Variants in ANTXR2 observed in about 807,000 individuals in gnomAD.
The protein encoded by ANTXR2 is anthrax toxin receptor 2.
ANTXR2 carries 44 observed loss-of-function variants against 73.7 expected under a neutral mutation model. The ratio of observed to expected loss-of-function variants is 0.60; its 90% CI spans 0.47 to 0.77. The LOEUF (loss-of-function observed/expected upper bound fraction) is 0.77. Ranked by LOEUF, ANTXR2 falls within the 30% of genes least tolerant of loss-of-function variation. ANTXR2 has a pLI of 0.00. For missense variants in ANTXR2, 604 were observed against 592.5 expected (o/e 1.02, Z -0.20); for synonymous variants, 217 against 205.9 (o/e 1.05, Z -0.46).
intron 7 of ANTXR2, among the ~76,000 whole-genome samples, chr4:80,040,928 C>T (rs35646046): frequency 0.08 from 12,113 of 152,040 alleles, 611 homozygotes; most frequent in Non-Finnish European, 0.11. Context: ...AGTCCTCAAA[C>T]ATTAATATAG....
intron 3 of ANTXR2, among the ~76,000 whole-genome samples, chr4:80,062,295 A>G (rs1734299034): frequency 6.6e-6 from 1 of 152,178 alleles, no homozygotes; most frequent in Non-Finnish European, 1.5e-5. Flanking sequence ...GTGGTACTCA[A>G]TTCACACCTG....
At chr4:80,055,598 G>T in intron 4 of ANTXR2, 131 bp from the exon 5 acceptor site, 3 of 743,766 alleles carry the variant, frequency 4.0e-6, no homozygotes, top group Non-Finnish European at 6.7e-6. Context: ...AGGGTAATTT[G>T]TGTTAACTAT....
rs183847496 is a variant in ANTXR2, at chr4:79,994,731, T to C, written c.1042-9868A>G. 1.6e-3 allele frequency among the ~76,000 whole-genome samples: 240 copies of C among 152,086 alleles called. 1 individual carries two copies. Among genetic ancestry groups the C allele is most frequent in the Non-Finnish European group, 1.6e-3 (110 of 67,926 alleles). ...ATTGAATTTCAATTTAAAATCCCCA[T>C]ATGACCACTGTTATCAAACTCACAT... On this transcript the variant is annotated intron_variant, in intron 12 of 16. Transcript: ENST00000403729.
At chr4:79,920,762 T>C (rs1161950402) in intron 16 of ANTXR2, among the ~76,000 whole-genome samples, 3 of 152,128 alleles carry the variant, frequency 2.0e-5, no homozygotes, top group African/African-American at 7.2e-5. Flanking sequence ...CTAAAGCACA[T>C]TACTAATTAT....
intron 12 of ANTXR2, among the ~76,000 whole-genome samples, chr4:80,003,417 G>C (rs559289539): frequency 8.3e-6 from 1 of 120,408 alleles, no homozygotes; most frequent in Non-Finnish European, 1.7e-5. Flanking sequence ...GTTGTGGGGT[G>C]GGGGGAGGGG....
In ANTXR2 at chr4:80,018,939, A is replaced by G; in HGVS notation, c.904T>C (p.Ser302Pro). The change falls in exon 11 of 17, where the codon TCT becomes CCT. Residue 302 changes from serine (S) to proline (P), a missense_variant. Ser to Pro is a moderately conservative substitution (Grantham distance 74). Transcript: ENST00000403729. ...DVSVSFNGGK[S>P]VISGSLIVTA... ...ACAATTAATGATCCTGAAATGACAG[A>G]TTTTCCTCCATTAAAGCTCACTGAA... The G allele has an allele frequency of 6.6e-7, 1 of 1,517,876 alleles. No individual in the cohort carries two copies. 94.0% of individuals were successfully genotyped at this position (1,517,876 alleles called of 1,614,324 possible). A position where few individuals can be genotyped will look rare whatever the true frequency, so the allele number is the denominator to read the frequency against.
chr4:79,993,758 A>G (rs921178055), intron 12 of ANTXR2, among the ~76,000 whole-genome samples: 1 of 144,800 alleles, frequency 6.9e-6, no homozygotes. Context: ...ACACACACAC[A>G]CGCACACACA....
At chr4:79,964,670 G>GT (rs1280486117) in intron 16 of ANTXR2, 1 of 152,272 alleles carries the variant, frequency 6.6e-6, no homozygotes, top group Non-Finnish European at 1.5e-5. Context: ...CCTACCTTTG[G>GT]TGTTTCAGGC....
rs1004486563 is a variant in ANTXR2, at chr4:79,906,638, C to T, written c.*791G>A. On this transcript the variant is annotated 3_prime_UTR_variant, in exon 17 of 17. Coordinates refer to ENST00000403729, the MANE Select transcript of ANTXR2 (RefSeq NM_058172.6). ...AATCTACTAGTCACAGGGACAAGTT[C>T]GCAAAAAATGAGTCCCTTGCACTAC... The T allele has an allele frequency of 6.6e-6, 1 of 152,604 alleles. No individual in the cohort carries two copies. Among genetic ancestry groups the T allele is most frequent in the African/African-American group, 2.4e-5 (1 of 41,444 alleles). 9.5% of individuals were successfully genotyped at this position (152,604 alleles called of 1,614,324 possible).
chr4:79,904,121 TAAACA>T lies in ANTXR2; in HGVS notation c.*3303_*3307del, dbSNP rs1010721571. 11 of 151,708 alleles carry T rather than the reference TAAACA, an allele frequency of 7.3e-5. No individual in the cohort carries two copies. The highest frequency in any genetic ancestry group is 1.0e-4 in the Non-Finnish European group (7 of 67,876). 9.4% of individuals were successfully genotyped at this position (151,708 alleles called of 1,614,324 possible). On this transcript the variant is annotated 3_prime_UTR_variant, in exon 17 of 17. Coordinates refer to ENST00000403729, the MANE Select transcript of ANTXR2 (RefSeq NM_058172.6). ...TATAGAATTTGTTTCAACTTTAAAC[TAAACA>T]AATGTATCTGCCTCTGAGCAGTAAA...
chr4:79,927,018 C>CACGTGTGCAT (rs1727835907), intron 16 of ANTXR2, among the ~76,000 whole-genome samples: 1 of 83,638 alleles, frequency 1.2e-5, no homozygotes, highest in Non-Finnish European at 2.4e-5. Context: ...TGCATATATA[C>CACGTGTGCAT]ATATGTGTAT....
At chr4:79,986,380 TA>T (rs1560944151) in intron 12 of ANTXR2, among the ~76,000 whole-genome samples, 1 of 152,216 alleles carries the variant, frequency 6.6e-6, no homozygotes, top group African/African-American at 2.4e-5. Flanking sequence ...GTTCCACTTT[TA>T]CCTCATCAAA....
rs1259128131 is a variant in ANTXR2 at position 79,919,374 on chromosome 4, A to T, written c.1429-11907T>A. ...TTATATAATGTGATGGTTAATACTG[A>T]ATGTCAACTTGATTGGATTGAAGGA... On this transcript the variant is annotated intron_variant, in intron 16 of 16. Coordinates refer to ENST00000403729, the MANE Select transcript of ANTXR2 (RefSeq NM_058172.6). 2.6e-5 allele frequency among the ~76,000 whole-genome samples: 4 copies of T among 152,138 alleles called. No individual in the cohort carries two copies. The East Asian group carries it at 7.7e-4, about 29-fold the overall frequency.
chr4:79,996,449 T>A (rs1730734895), intron 12 of ANTXR2, among the ~76,000 whole-genome samples: 1 of 152,004 alleles, frequency 6.6e-6, no homozygotes, highest in South Asian at 2.1e-4. Flanking sequence ...TTTATCACCA[T>A]TTTATATAGA....
At chr4:80,065,907 G>T (rs1416674570) in intron 3 of ANTXR2, among the ~76,000 whole-genome samples, 1 of 152,134 alleles carries the variant, frequency 6.6e-6, no homozygotes, top group African/African-American at 2.4e-5. Flanking sequence ...TGATCTATTT[G>T]TGATTGTAAT....
At chr4:79,930,722 G>C (rs1728024124) in intron 16 of ANTXR2, among the ~76,000 whole-genome samples, 1 of 152,030 alleles carries the variant, frequency 6.6e-6, no homozygotes, top group South Asian at 2.1e-4. Flanking sequence ...CAGCCCCTCT[G>C]CCCCAATTCT....
chr4:79,974,842 A>T lies in ANTXR2; in HGVS notation c.1428+2779T>A, dbSNP rs1729563716. Among the ~76,000 whole-genome samples the T allele has an allele frequency of 2.0e-5, 3 of 152,016 alleles. No individual in the cohort carries two copies. The South Asian group carries it at 6.2e-4, about 31-fold the overall frequency. On this transcript the variant is annotated intron_variant, in intron 16 of 16. Transcript: ENST00000403729. ...TGGAAAGGGAAGCATTATTCTTCAA[A>T]CATGAAAAAATAAATAATTTAACCT...
At chr4:79,925,002 C>G (rs1727725999) in intron 16 of ANTXR2, among the ~76,000 whole-genome samples, 1 of 152,106 alleles carries the variant, frequency 6.6e-6, no homozygotes, top group Non-Finnish European at 1.5e-5. Context: ...AAAAATCCAG[C>G]TGCAGCAGCA....
intron 16 of ANTXR2, among the ~76,000 whole-genome samples, chr4:79,922,610 A>G (rs1449131760): frequency 6.6e-6 from 1 of 152,122 alleles, no homozygotes; most frequent in Non-Finnish European, 1.5e-5. Flanking sequence ...CTAAAAACTA[A>G]TATGTATTAA....
Sources: allele counts gnomAD v4.1 joint callset (sites outside exome capture counted in the v4.1 genomes callset), GRCh38; gene constraint gnomAD v4.1.1; transcripts MANE v1.5; gene names NCBI Gene and HGNC (gene_info 2026-07-23, HGNC 2026-07-21).